Variants in SH3D19 observed in about 807,000 individuals in gnomAD.
SH3D19 encodes SH3 domain-containing protein 19.
SH3D19 carries 58 observed loss-of-function variants against 112.1 expected under a neutral mutation model. That is an observed-to-expected ratio of 0.52 (90% CI 0.42 to 0.64). The LOEUF (loss-of-function observed/expected upper bound fraction) is 0.64. Among genes scored for constraint, SH3D19 ranks in the 30% least tolerant of loss-of-function variants. The pLI, the probability that SH3D19 is intolerant of heterozygous loss-of-function variation, is 0.00. For synonymous variants in SH3D19, 391 were observed against 448.5 expected, an observed-to-expected ratio of 0.87 and a Z score of 1.62; for missense variants, 1,090 against 1,263.4, an observed-to-expected ratio of 0.86 and a Z score of 2.08.
At chr4:151,223,741 T>C (rs1768483423) in intron 2 of SH3D19, among the ~76,000 whole-genome samples, 1 of 152,198 alleles carries the variant, frequency 6.6e-6, no homozygotes, top group Admixed American at 6.5e-5. Flanking sequence ...ACTTTTATCT[T>C]ACTCTTTTTT....
At chr4:151,192,994 G>A (rs1276799463) in intron 2 of SH3D19, among the ~76,000 whole-genome samples, 3 of 147,882 alleles carry the variant, frequency 2.0e-5, no homozygotes, top group Non-Finnish European at 4.5e-5. Context: ...TTCCTGTCTT[G>A]ACTCTCTAAC....
chr4:151,223,981 A>T (rs557359172), intron 2 of SH3D19, among the ~76,000 whole-genome samples: 47 of 152,150 alleles, frequency 3.1e-4, no homozygotes, highest in Non-Finnish European at 5.1e-4. Flanking sequence ...CAGTTTTTCA[A>T]GGTCTTGTGG....
chr4:151,242,700 TA>T (rs1323789941), intron 1 of SH3D19, among the ~76,000 whole-genome samples: 2 of 152,236 alleles, frequency 1.3e-5, no homozygotes, highest in African/African-American at 4.8e-5. Context: ...TGACTTTATA[TA>T]ATTCTTTATA....
rs540107601 is a variant in SH3D19, at chr4:151,152,216, T to C, written c.1756-2655A>G. Among the ~76,000 whole-genome samples the C allele has an allele frequency of 7.9e-5, 12 of 152,336 alleles. No homozygotes were observed. The South Asian group carries it at 2.5e-3, about 32-fold the overall frequency. On this transcript the variant is annotated intron_variant, in intron 9 of 19. Coordinates refer to ENST00000604030, the MANE Select transcript of SH3D19 (RefSeq NM_001378122.1). Reference sequence around the variant, plus strand: ...GCCATTGTCTTAGTGTTTGCTCAAGTCTGGGTTTATGCCCAGGTTCTGCTG... The same window carrying C: ...GCCATTGTCTTAGTGTTTGCTCAAGCCTGGGTTTATGCCCAGGTTCTGCTG...
At chr4:151,184,070 G>A (rs936341238) in intron 3 of SH3D19, among the ~76,000 whole-genome samples, 1 of 152,046 alleles carries the variant, frequency 6.6e-6, no homozygotes, top group Non-Finnish European at 1.5e-5. Context: ...GTTAATGAAA[G>A]GAAGAACATA....
At chr4:151,322,980 G>C (rs1730702524) in intron 1 of SH3D19, among the ~76,000 whole-genome samples, 1 of 152,170 alleles carries the variant, frequency 6.6e-6, no homozygotes, top group African/African-American at 2.4e-5. Context: ...GTTACATCTA[G>C]GGGAGAGAGG....
At chr4:151,153,391 C>T (rs1467662440) in intron 9 of SH3D19, among the ~76,000 whole-genome samples, 5 of 151,878 alleles carry the variant, frequency 3.3e-5, no homozygotes, top group East Asian at 1.9e-4. Context: ...GGATTACAGG[C>T]GTGCTCCACC....
intron 1 of SH3D19, among the ~76,000 whole-genome samples, chr4:151,312,900 C>CAA (rs1227911321): frequency 8.1e-6 from 1 of 124,100 alleles, no homozygotes; most frequent in African/African-American, 2.8e-5. Flanking sequence ...GACTCCATCT[C>CAA]AAAAAAAAAA....
chr4:151,223,898 G>A (rs1768507004), intron 2 of SH3D19, among the ~76,000 whole-genome samples: 1 of 152,132 alleles, frequency 6.6e-6, no homozygotes, highest in African/African-American at 2.4e-5. Flanking sequence ...CTGGGGTTGG[G>A]CATGGGATTC....
Position 151,174,847 on chromosome 4 carries a change from C to A in SH3D19, c.1357G>T (p.Ala453Ser). 1.3e-6 allele frequency: 2 copies of A among 1,591,356 alleles called. No homozygotes were observed. The highest frequency in any genetic ancestry group is 1.2e-5 in the South Asian group (1 of 86,030). ...PVTVPPRLAG[A>S]SQAKAYKSLG... ...GACTTGTATGCTTTGGCTTGTGATG[C>A]CCCTGCGAGTCGGGGAGGAACAGTG... Residue 453 changes from alanine (A) to serine (S), a missense_variant, in exon 7 of 20, where the codon GCA (alanine) becomes TCA (serine). Coordinates refer to ENST00000604030, the MANE Select transcript of SH3D19 (RefSeq NM_001378122.1).
rs529378456 is a variant in SH3D19 at position 151,203,814 on chromosome 4, A to G, written c.153-16351T>C. Among the ~76,000 whole-genome samples the G allele has an allele frequency of 9.3e-4, 141 of 152,332 alleles. 1 individual carries two copies. In the South Asian group the frequency reaches 0.028, roughly 30 times the overall value. ...TAATGACGTTTCTCTTACTGAAATA[A>G]TTCAGCCTTGATCATTTTATTTTAT... is the stretch of plus-strand genomic sequence containing the variant. On this transcript the variant is annotated intron_variant, in intron 2 of 19. Transcript: ENST00000604030.
At chr4:151,205,475 G>A (rs2149894624) in intron 2 of SH3D19, among the ~76,000 whole-genome samples, 1 of 152,216 alleles carries the variant, frequency 6.6e-6, no homozygotes, top group African/African-American at 2.4e-5. Flanking sequence ...GAGGAGTCTG[G>A]GGGTCTGACA....
chr4:151,282,147 G>A, intron 1 of SH3D19: 1 of 1,613,252 alleles, frequency 6.2e-7, no homozygotes, highest in Middle Eastern at 1.7e-4. Context: ...TTTCCCCATA[G>A]GACCTGGACT....
At chr4:151,158,930 G>A (rs1756658989) in intron 9 of SH3D19, among the ~76,000 whole-genome samples, 1 of 151,938 alleles carries the variant, frequency 6.6e-6, no homozygotes. Context: ...TTATTTCCCT[G>A]AATATTAAAG....
intron 12 of SH3D19, among the ~76,000 whole-genome samples, chr4:151,141,577 C>G (rs904197237): frequency 6.6e-6 from 1 of 152,074 alleles, no homozygotes; most frequent in Non-Finnish European, 1.5e-5. Flanking sequence ...CCCAGGAACT[C>G]GAGGCTGCAG....
chr4:151,167,229 C>T (rs1758193007), intron 7 of SH3D19, among the ~76,000 whole-genome samples: 1 of 151,950 alleles, frequency 6.6e-6, no homozygotes, highest in South Asian at 2.1e-4. Flanking sequence ...TGACCTATGT[C>T]ACCCATAAAA....
chr4:151,243,028 T>C (rs1027465079), intron 1 of SH3D19, among the ~76,000 whole-genome samples: 4 of 152,204 alleles, frequency 2.6e-5, no homozygotes, highest in African/African-American at 7.2e-5. Context: ...GGTGCACTGA[T>C]AATTCTATGA....
At chr4:151,178,809 A>G (rs916823140) in intron 4 of SH3D19, among the ~76,000 whole-genome samples, 2 of 152,148 alleles carry the variant, frequency 1.3e-5, no homozygotes, top group African/African-American at 4.8e-5. Flanking sequence ...AAATCTATCC[A>G]TCCATTTAGC....
chr4:151,283,508 CTTTTTTTT>C (rs5862956), intron 1 of SH3D19, among the ~76,000 whole-genome samples: 1 of 126,540 alleles, frequency 7.9e-6, no homozygotes, highest in Non-Finnish European at 1.6e-5. Flanking sequence ...GGTCATTGGA[CTTTTTTTT>C]TTTTTTTTTT....
Sources: gnomAD v4.1 joint callset for allele counts (sites outside exome capture counted in the v4.1 genomes callset) on GRCh38, gnomAD v4.1.1 for gene constraint, MANE v1.5 for transcripts, NCBI Gene and HGNC (gene_info 2026-07-23, HGNC 2026-07-21) for gene names.